The following XXYLT1 variants were observed in gnomAD, a reference collection of about 807,000 sequenced individuals.
The protein encoded by XXYLT1 is xyloside xylosyltransferase 1.
A neutral mutation model predicts 28.9 loss-of-function variants in XXYLT1; 20 were observed. The ratio of observed to expected loss-of-function variants is 0.69; its 90% CI spans 0.49 to 1.00. The LOEUF is 1.00. Among genes scored for constraint, XXYLT1 ranks in the 50% least tolerant of loss-of-function variants. XXYLT1 has a pLI of 0.00. For synonymous variants in XXYLT1, 257 were observed against 253.8 expected, an observed-to-expected ratio of 1.01 and a Z score of -0.12; for missense variants, 542 against 560.1, an observed-to-expected ratio of 0.97 and a Z score of 0.33.
chr3:195,132,493 GTGCTTAGAA>G (rs1350366308), intron 3 of XXYLT1, among the ~76,000 whole-genome samples: 3 of 151,842 alleles, frequency 2.0e-5, no homozygotes, highest in Non-Finnish European at 4.4e-5. Context: ...AAGAAAATAA[GTGCTTAGAA>G]CAGTGCTTGG....
At chr3:195,088,384 C>A (rs1479156084) in intron 3 of XXYLT1, among the ~76,000 whole-genome samples, 19 of 146,766 alleles carry the variant, frequency 1.3e-4, no homozygotes, top group African/African-American at 3.9e-4. Flanking sequence ...ACCCCTGACC[C>A]CCGAGCAGCC....
In XXYLT1 at chr3:195,240,725, G is replaced by A. The variant is rs1227508391; in HGVS notation, c.505-13869C>T. The stretch of plus-strand genomic sequence containing the variant: ...CCCCAGCACAGCTATTGGAGGGAAG[G>A]TGGTGGCACAAAGCTCAGGCACACT... On this transcript the variant is annotated intron_variant, in intron 1 of 3. Coordinates refer to ENST00000310380, the MANE Select transcript of XXYLT1 (RefSeq NM_152531.5). The surrounding 1 kb of genome is among the most constrained non-coding windows in gnomAD (Gnocchi z 4.7). Among the ~76,000 whole-genome samples, 1 of 152,200 alleles carries A rather than the reference G, an allele frequency of 6.6e-6. No homozygotes were observed.
intron 3 of XXYLT1, among the ~76,000 whole-genome samples, chr3:195,096,477 C>T (rs762190572): frequency 1.3e-5 from 2 of 152,152 alleles, no homozygotes; most frequent in South Asian, 4.1e-4. Context: ...CACACGTGTA[C>T]GTAACAGACG....
In XXYLT1 at chr3:195,075,799, C is replaced by G. The variant is rs113426134; in HGVS notation, c.786-5688G>C. Among the ~76,000 whole-genome samples, 752 of 152,356 alleles carry G rather than the reference C, an allele frequency of 4.9e-3. 7 individuals are homozygous for G. The highest frequency in any genetic ancestry group is 0.022 in the South Asian group (107 of 4,830). On this transcript the variant is annotated intron_variant, in intron 3 of 3. Transcript: ENST00000310380. Reference sequence around the variant, plus strand: ...TTCAAACCCCAGCCCTCTTTGAAGGCCAGCAACTGAGTTGCCAAACCACAA... The same window carrying G: ...TTCAAACCCCAGCCCTCTTTGAAGGGCAGCAACTGAGTTGCCAAACCACAA...
At chr3:195,137,569 C>T (rs1436745563) in intron 3 of XXYLT1, among the ~76,000 whole-genome samples, 1 of 152,218 alleles carries the variant, frequency 6.6e-6, no homozygotes, top group East Asian at 1.9e-4. Flanking sequence ...GCACAGCACA[C>T]TCCCTTTCTA....
intron 2 of XXYLT1, among the ~76,000 whole-genome samples, chr3:195,224,891 T>C (rs1029898849): frequency 1.3e-5 from 2 of 152,222 alleles, no homozygotes; most frequent in Admixed American, 1.3e-4. Flanking sequence ...ACGTGGCTAA[T>C]GGCGGAGCTG....
At chr3:195,187,912 AC>A (rs1383365340) in intron 2 of XXYLT1, among the ~76,000 whole-genome samples, 2 of 151,934 alleles carry the variant, frequency 1.3e-5, no homozygotes, top group African/African-American at 2.4e-5. Context: ...TCAACCTTTT[AC>A]CCCCAACCTT....
rs1180694359 is a variant in XXYLT1, at chr3:195,078,228, C to T, written c.786-8117G>A. 6.6e-6 allele frequency among the ~76,000 whole-genome samples: 1 copy of T among 152,030 alleles called. No homozygotes were observed. Among genetic ancestry groups the T allele is most frequent in the African/African-American group, 2.4e-5 (1 of 41,396 alleles). ...GGTGGCTGGAGGTACCGGCCATAAGCAGAGAGCACCAAGCAGGTGGTACGG... is the reference window on the plus strand; with the variant it reads ...GGTGGCTGGAGGTACCGGCCATAAGTAGAGAGCACCAAGCAGGTGGTACGG... On this transcript the variant is annotated intron_variant, in intron 3 of 3. Coordinates refer to ENST00000310380, the MANE Select transcript of XXYLT1 (RefSeq NM_152531.5). The surrounding 1 kb of genome is among the most constrained non-coding windows in gnomAD (Gnocchi z 5.0).
chr3:195,187,528 A>T (rs1196289861), intron 2 of XXYLT1, among the ~76,000 whole-genome samples: 2 of 152,248 alleles, frequency 1.3e-5, no homozygotes, highest in Admixed American at 6.5e-5. Flanking sequence ...AATCAATCAG[A>T]CAGGCAATCT....
intron 2 of XXYLT1, chr3:195,175,498 G>C (rs1169528874): frequency 4.2e-6 from 6 of 1,421,690 alleles, no homozygotes; most frequent in Non-Finnish European, 5.6e-6. Flanking sequence ...TGAGTTCTGT[G>C]TTGCATGTTG....
intron 3 of XXYLT1, among the ~76,000 whole-genome samples, chr3:195,110,245 TGTGGGTG>T (rs1717480543): frequency 7.7e-5 from 1 of 12,968 alleles, no homozygotes; most frequent in African/African-American, 2.4e-4. Context: ...GGTGTGCGTG[TGTGGGTG>T]AAGTGTGTGT....
rs1302720489 is a variant in XXYLT1, at chr3:195,143,821, G to GATAT, written c.785+12624_785+12627dup. Reference sequence around the variant, plus strand: ...ATATAGATAGATATATATAGATATAGATATATATAGATATAGATATAGATA... The same window carrying GATAT: ...ATATAGATAGATATATATAGATATAGATATATATATATAGATATAGATATAGATA... On this transcript the variant is annotated intron_variant, in intron 3 of 3. Transcript: ENST00000310380. Among the ~76,000 whole-genome samples, 69 of 74,166 alleles carry GATAT rather than the reference G, an allele frequency of 9.3e-4. 4 individuals carry two copies. Among genetic ancestry groups the GATAT allele is most frequent in the African/African-American group, 3.3e-3 (68 of 20,850 alleles). 48.7% of individuals were successfully genotyped at this position (74,166 alleles called of 152,430 possible). A position where few individuals can be genotyped will look rare whatever the true frequency, so the allele number is the denominator to read the frequency against.
At chr3:195,071,501 A>T in intron 3 of XXYLT1, among the ~76,000 whole-genome samples, 1 of 152,080 alleles carries the variant, frequency 6.6e-6, no homozygotes, top group Non-Finnish European at 1.5e-5. Flanking sequence ...GGCGAGGGGG[A>T]AGCATTCCCT....
chr3:195,148,329 G>A (rs1719981871), intron 3 of XXYLT1, among the ~76,000 whole-genome samples: 2 of 152,106 alleles, frequency 1.3e-5, no homozygotes, highest in South Asian at 4.1e-4. Context: ...AAAACACTTA[G>A]CCCAGTTTTC....
At chr3:195,252,330 A>C (rs914304002) in intron 1 of XXYLT1, among the ~76,000 whole-genome samples, 6 of 152,212 alleles carry the variant, frequency 3.9e-5, no homozygotes, top group Non-Finnish European at 7.3e-5. Flanking sequence ...TTATTTCCTT[A>C]AAAAAAGAAT....
chr3:195,177,415 T>A (rs1358334059), intron 2 of XXYLT1, among the ~76,000 whole-genome samples: 1 of 152,090 alleles, frequency 6.6e-6, no homozygotes, highest in Non-Finnish European at 1.5e-5. Context: ...TACTAGAAGA[T>A]AGAGAAAGAT....
At chr3:195,098,248 T>C (rs1197086182) in intron 3 of XXYLT1, among the ~76,000 whole-genome samples, 1 of 152,176 alleles carries the variant, frequency 6.6e-6, no homozygotes, top group Non-Finnish European at 1.5e-5. Flanking sequence ...CCAGTGACTG[T>C]ACACTTCAAA....
At chr3:195,265,672 T>C (rs1429033668) in intron 1 of XXYLT1, among the ~76,000 whole-genome samples, 5 of 152,166 alleles carry the variant, frequency 3.3e-5, no homozygotes, top group Admixed American at 1.3e-4. Flanking sequence ...AGTAGAACCA[T>C]GTGATGAGAC....
intron 1 of XXYLT1, among the ~76,000 whole-genome samples, chr3:195,230,306 T>G (rs1724244983): frequency 6.6e-6 from 1 of 152,242 alleles, no homozygotes; most frequent in African/African-American, 2.4e-5. Flanking sequence ...ATAGACAGTT[T>G]ACAAATATTT....
Sources: allele counts gnomAD v4.1 joint callset (sites outside exome capture counted in the v4.1 genomes callset), GRCh38; gene constraint gnomAD v4.1.1; non-coding constraint Gnocchi (gnomAD v3.1); transcripts MANE v1.5; gene names NCBI Gene and HGNC (gene_info 2026-07-23, HGNC 2026-07-21).